LRFN5: variants seen among roughly 807,000 people sequenced by gnomAD.
The protein encoded by LRFN5 is leucine rich repeat and fibronectin type III domain containing 5.
Under a neutral mutation model 45.6 loss-of-function variants are expected in LRFN5, and 24 were observed. The observed-to-expected ratio is 0.53, with a 90% CI of 0.38 to 0.74. LRFN5 has a LOEUF of 0.74. LRFN5 is among the 30% of genes least tolerant of loss of function. LRFN5 has a pLI of 0.00. For synonymous variants in LRFN5, 340 were observed against 313.8 expected, an observed-to-expected ratio of 1.08 and a Z score of -0.88; for missense variants, 776 against 861.5, an observed-to-expected ratio of 0.90 and a Z score of 1.24.
chr14:41,695,663 A>G (rs74046619), intron 1 of LRFN5, among the ~76,000 whole-genome samples: 5,052 of 151,964 alleles, frequency 0.033, 137 homozygotes, highest in African/African-American at 0.084. Flanking sequence ...ATTATATCAC[A>G]TTTGTTTAAG....
At chr14:41,744,577 A>C (rs1884840299) in intron 1 of LRFN5, among the ~76,000 whole-genome samples, 1 of 152,106 alleles carries the variant, frequency 6.6e-6, no homozygotes, top group African/African-American at 2.4e-5. Flanking sequence ...ATTCAGAGAC[A>C]CAGATTGGTA....
chr14:41,876,490 G>T (rs938446135), intron 2 of LRFN5, among the ~76,000 whole-genome samples: 2 of 149,982 alleles, frequency 1.3e-5, no homozygotes, highest in Non-Finnish European at 3.0e-5. Flanking sequence ...TAGAGATGGG[G>T]TTTCTCCGTG....
chr14:41,678,299 A>G (rs570178002), intron 1 of LRFN5, among the ~76,000 whole-genome samples: 10 of 152,146 alleles, frequency 6.6e-5, no homozygotes, highest in African/African-American at 2.4e-4. Context: ...CCGTATATGT[A>G]TATGCCATAT....
At chr14:41,851,892 CG>C (rs1889279346) in intron 2 of LRFN5, among the ~76,000 whole-genome samples, 1 of 151,318 alleles carries the variant, frequency 6.6e-6, no homozygotes. Flanking sequence ...GAAATTAGGC[CG>C]TTTTATTAAT....
chr14:41,855,407 A>T (rs556691765), intron 2 of LRFN5, among the ~76,000 whole-genome samples: 1 of 152,152 alleles, frequency 6.6e-6, no homozygotes, highest in Non-Finnish European at 1.5e-5. Flanking sequence ...TTTGGAATGT[A>T]TGATATTTTA....
intron 2 of LRFN5, among the ~76,000 whole-genome samples, chr14:41,792,559 A>G (rs879836807): frequency 4.0e-4 from 60 of 149,298 alleles, no homozygotes; most frequent in Admixed American, 7.4e-4. Flanking sequence ...TATTAATATT[A>G]ATATTCCTTG....
chr14:41,831,876 A>G (rs950470610), intron 2 of LRFN5, among the ~76,000 whole-genome samples: 5 of 152,130 alleles, frequency 3.3e-5, no homozygotes, highest in Admixed American at 1.3e-4. Context: ...GAAGTTCAAG[A>G]TCAAGGTGCC....
chr14:41,695,661 A>C (rs74046618), intron 1 of LRFN5, among the ~76,000 whole-genome samples: 5,055 of 152,038 alleles, frequency 0.033, 137 homozygotes, highest in African/African-American at 0.084. Context: ...GGATTATATC[A>C]CATTTGTTTA....
chr14:41,658,664 A>C (rs1032738541), intron 1 of LRFN5, among the ~76,000 whole-genome samples: 1 of 151,980 alleles, frequency 6.6e-6, no homozygotes, highest in Non-Finnish European at 1.5e-5. Context: ...ATCTACTTTG[A>C]AATTTTTAGC....
chr14:41,813,162 A>T (rs1594432237), intron 2 of LRFN5, among the ~76,000 whole-genome samples: 1 of 152,244 alleles, frequency 6.6e-6, no homozygotes, highest in South Asian at 2.1e-4. Flanking sequence ...TCAACTAACT[A>T]CAGAGAACAA....
chr14:41,659,965 G>T (rs1221723270), intron 1 of LRFN5, among the ~76,000 whole-genome samples: 1 of 150,344 alleles, frequency 6.7e-6, no homozygotes, highest in African/African-American at 2.4e-5. Context: ...CAGATAGATA[G>T]ATTGCAGAAA....
chr14:41,867,352 C>CTG (rs140178887), intron 2 of LRFN5, among the ~76,000 whole-genome samples: 13,101 of 151,250 alleles, frequency 0.087, 656 homozygotes, highest in Middle Eastern at 0.18. Context: ...ATGCACACAT[C>CTG]TGTGTGTGTG....
intron 2 of LRFN5, among the ~76,000 whole-genome samples, chr14:41,865,833 A>G (rs1300499760): frequency 6.6e-6 from 1 of 152,096 alleles, no homozygotes; most frequent in Non-Finnish European, 1.5e-5. Flanking sequence ...ATTTTCATGT[A>G]TTTATAGATG....
chr14:41,671,370 T>C (rs1881203087), intron 1 of LRFN5, among the ~76,000 whole-genome samples: 1 of 152,106 alleles, frequency 6.6e-6, no homozygotes, highest in Non-Finnish European at 1.5e-5. Context: ...TTTACCCCAT[T>C]CCTAACAATT....
intron 1 of LRFN5, among the ~76,000 whole-genome samples, chr14:41,734,440 T>G (rs59703703): frequency 0.045 from 6,613 of 148,272 alleles, 335 homozygotes; most frequent in African/African-American, 0.12. Context: ...CAACTTAAAG[T>G]CTATTTTATC....
chr14:41,644,524 T>G (rs1879722235), intron 1 of LRFN5, among the ~76,000 whole-genome samples: 1 of 152,316 alleles, frequency 6.6e-6, no homozygotes, highest in Non-Finnish European at 1.5e-5. Flanking sequence ...TTGTTAGTTA[T>G]CATGAACCAT....
At chr14:41,775,898 A>G (rs563462978) in intron 2 of LRFN5, among the ~76,000 whole-genome samples, 1 of 152,348 alleles carries the variant, frequency 6.6e-6, no homozygotes, top group South Asian at 2.1e-4. Flanking sequence ...GGTGATCAAA[A>G]TTTTCGGTCA....
At chr14:41,725,455 T>C (rs1883891237) in intron 1 of LRFN5, among the ~76,000 whole-genome samples, 1 of 152,212 alleles carries the variant, frequency 6.6e-6, no homozygotes, top group Non-Finnish European at 1.5e-5. Flanking sequence ...TCTTCTTGTC[T>C]CTTCTAACCC....
At chr14:41,848,171 A>T (rs1889133573) in intron 2 of LRFN5, among the ~76,000 whole-genome samples, 1 of 152,104 alleles carries the variant, frequency 6.6e-6, no homozygotes, top group East Asian at 1.9e-4. Flanking sequence ...TTACCAATAT[A>T]TAGCACCATA....
Sources: gnomAD v4.1 joint callset for allele counts (sites outside exome capture counted in the v4.1 genomes callset) on GRCh38, gnomAD v4.1.1 for gene constraint, MANE v1.5 for transcripts, NCBI Gene and HGNC (gene_info 2026-07-23, HGNC 2026-07-21) for gene names.